Variants in MYCBPAP observed in about 807,000 individuals in gnomAD.
The protein encoded by MYCBPAP is MYCBP-associated protein.
A neutral mutation model predicts 106.1 loss-of-function variants in MYCBPAP; 60 were observed. The ratio of observed to expected loss-of-function variants is 0.57; its 90% confidence interval spans 0.46 to 0.70. MYCBPAP has a LOEUF of 0.70. Ranked by LOEUF, MYCBPAP falls within the 30% of genes least tolerant of loss-of-function variation. The probability of loss-of-function intolerance (pLI) is 0.00; values close to 1 mark genes in which losing one functional copy is unlikely to be tolerated. For synonymous variants in MYCBPAP, 407 were observed against 440.6 expected (o/e 0.92, Z 0.95); for missense variants, 1,064 against 1,169.3 (o/e 0.91, Z 1.31).
rs2033695220 is a variant in MYCBPAP, at chr17:50,508,495, C to T, written c.-180C>T. ...CCGCCGGCGGCGGGCGCGTGCGCGG[C>T]CCGATGAAGAAGGAGGTTTCCAAGC... On this transcript the variant is annotated 5_prime_UTR_variant, in exon 1 of 19. Transcript: ENST00000323776. 1 of 1,503,110 alleles carries T rather than the reference C, an allele frequency of 6.7e-7. No individual in the cohort carries two copies. Among genetic ancestry groups the T allele is most frequent in the African/African-American group, 1.4e-5 (1 of 69,898 alleles). 93.1% of individuals were successfully genotyped at this position (1,503,110 alleles called of 1,614,324 possible). A position where few individuals can be genotyped will look rare whatever the true frequency, so the allele number is the denominator to read the frequency against.
intron 9 of MYCBPAP, among the ~76,000 whole-genome samples, 182 bp downstream of exon 9, chr17:50,521,613 C>A (rs2034264845): frequency 6.6e-6 from 1 of 152,198 alleles, no homozygotes; most frequent in Non-Finnish European, 1.5e-5. Flanking sequence ...GCCATCTGCT[C>A]CTTTCCAATA....
rs1238925806 is a variant in MYCBPAP, at chr17:50,521,234, G to C, written c.1032+9G>C. On this transcript the variant is annotated intron_variant, in intron 8 of 18. Transcript: ENST00000323776. ...TGGATTTCAGCCAGCAGGTTGGTAT[G>C]GCCTCCATGCCCCAGTCAGAAGCCC... The C allele has an allele frequency of 6.2e-7, 1 of 1,607,890 alleles. No individual in the cohort carries two copies. The highest frequency in any genetic ancestry group is 1.1e-5 in the South Asian group (1 of 89,676).
At position 50,525,659 on chromosome 17, in the gene MYCBPAP, C is replaced by CTCTTTTTTTTTTTTTTTTTTTTTT. The variant is rs57947501; in HGVS notation, c.1783-221_1783-220insCTTTTTTTTTTTTTTTTTTTTTTT. ...ACATCACCATGCTCAGCTAATTTCT[C>CTCTTTTTTTTTTTTTTTTTTTTTT]TTTTTTTTTTTGGTAGAGATAGGAT... On this transcript the variant is annotated intron_variant, in intron 13 of 18. Coordinates refer to ENST00000323776, the MANE Select transcript of MYCBPAP (RefSeq NM_032133.6). 1.5e-5 allele frequency among the ~76,000 whole-genome samples: 2 copies of CTCTTTTTTTTTTTTTTTTTTTTTT among 131,364 alleles called. 1 individual carries two copies. 86.2% of individuals were successfully genotyped at this position (131,364 alleles called of 152,430 possible). A position where few individuals can be genotyped will look rare whatever the true frequency, so the allele number is the denominator to read the frequency against.
At position 50,522,722 on chromosome 17, in the gene MYCBPAP, ATATT is replaced by A. The variant is rs369118929; in HGVS notation, c.1258-215_1258-212del. On this transcript the variant is annotated intron_variant, in intron 10 of 18. Transcript: ENST00000323776. ...AAAAAAAAAAAAAATATATATATAT[ATATT>A]TGTTTTATCTTCTCTTCTTGCTATT... The A allele has an allele frequency of 5.9e-3, 736 of 125,542 alleles. 88 individuals carry two copies. The highest frequency in any genetic ancestry group is 0.019 in the Middle Eastern group (5 of 270). The allele number at this position is 125,542 out of a possible 1,614,324, so 7.8% of individuals were successfully genotyped here.
rs781672054 is a variant in MYCBPAP at position 50,528,725 on chromosome 17, A to G, written c.2438A>G (p.Lys813Arg). The change falls in exon 17 of 19, where the codon AAG (lysine) becomes AGG (arginine). Residue 813 changes from lysine (K) to arginine (R), a missense_variant. Lys to Arg is a conservative substitution (Grantham distance 26, BLOSUM62 2). Coordinates refer to ENST00000323776, the MANE Select transcript of MYCBPAP (RefSeq NM_032133.6). ...AAATCACCTCCTATCATGGAAGTGAAGGTACCTGTGGGGAAAGCTGGGAAG... is the reference window on the plus strand; with the variant it reads ...AAATCACCTCCTATCATGGAAGTGAGGGTACCTGTGGGGAAAGCTGGGAAG... ...DQKSPPIMEV[K>R]VPVGKAGKEE... 1 of 1,613,774 alleles carries G rather than the reference A, an allele frequency of 6.2e-7. No homozygotes were observed. Among genetic ancestry groups the G allele is most frequent in the East Asian group, 2.2e-5 (1 of 44,840 alleles).
In MYCBPAP at chr17:50,528,137, CTG is replaced by C. The variant is rs141549451; in HGVS notation, c.2292-14_2292-13del. 2.0e-5 allele frequency: 32 copies of C among 1,607,432 alleles called. No homozygotes were observed. The East Asian group carries it at 3.6e-4, about 18-fold the overall frequency. On this transcript the variant is annotated splice_polypyrimidine_tract_variant and intron_variant, in intron 15 of 18. Transcript: ENST00000323776. The stretch of plus-strand genomic sequence containing the variant: ...AATGAGGAGTGATGGCATTTCTCCA[CTG>C]TGTCTTGCCCTCTAGTTTGCAGCTG...
intron 18 of MYCBPAP, 102 bp from the exon 19 acceptor site, chr17:50,531,225 C>A: frequency 1.5e-6 from 1 of 683,454 alleles, no homozygotes; most frequent in South Asian, 2.7e-5. Flanking sequence ...TCACAAACAA[C>A]TGGTTTCTTT....
intron 1 of MYCBPAP, chr17:50,514,721 C>A: frequency 4.5e-6 from 1 of 220,520 alleles, no homozygotes; most frequent in Non-Finnish European, 9.3e-6. Flanking sequence ...TGCAGTGGCA[C>A]AATCTTGGCT....
At chr17:50,515,224 G>A (rs967205307) in intron 1 of MYCBPAP, among the ~76,000 whole-genome samples, 4 of 139,916 alleles carry the variant, frequency 2.9e-5, no homozygotes, top group South Asian at 2.3e-4. Flanking sequence ...CACCTCCCAC[G>A]CCCGCCGACT....
At chr17:50,520,051 G>C in intron 7 of MYCBPAP, 1 of 385,490 alleles carries the variant, frequency 2.6e-6, no homozygotes, top group Non-Finnish European at 4.7e-6. Context: ...ACATGCCGCT[G>C]GTGAGCGCCT....
In MYCBPAP at chr17:50,508,569, C is replaced by G. The variant is rs772783328; in HGVS notation, c.-106C>G. 5.2e-6 allele frequency: 8 copies of G among 1,548,642 alleles called. No homozygotes were observed. The South Asian group carries it at 8.2e-5, about 16-fold the overall frequency. On this transcript the variant is annotated 5_prime_UTR_variant, in exon 1 of 19. Coordinates refer to ENST00000323776, the MANE Select transcript of MYCBPAP (RefSeq NM_032133.6). ...GGATGCGCGCCCCCGCGCGGGGCACCGGTTGCTGTGGACGCAGTGGCGGCC... is the reference window on the plus strand; with the variant it reads ...GGATGCGCGCCCCCGCGCGGGGCACGGGTTGCTGTGGACGCAGTGGCGGCC...
Position 50,508,476 on chromosome 17 carries a change from G to A in MYCBPAP, c.-199G>A, listed in dbSNP as rs2033694304. Reference sequence around the variant, plus strand: ...GGGTCCGTCGCTCTTGAAGCCGCCGGCGGCGGGCGCGTGCGCGGCCCGATG... The same window carrying A: ...GGGTCCGTCGCTCTTGAAGCCGCCGACGGCGGGCGCGTGCGCGGCCCGATG... On this transcript the variant is annotated 5_prime_UTR_variant, in exon 1 of 19. Transcript: ENST00000323776. 1.4e-6 allele frequency: 2 copies of A among 1,445,488 alleles called. No individual in the cohort carries two copies. The highest frequency in any genetic ancestry group is 5.2e-5 in the East Asian group (2 of 38,378). The allele number at this position is 1,445,488 out of a possible 1,614,324, so 89.5% of individuals were successfully genotyped here.
chr17:50,522,865 G>C, intron 10 of MYCBPAP, 74 bp from the exon 11 acceptor site: 1 of 1,484,330 alleles, frequency 6.7e-7, no homozygotes. Flanking sequence ...GAAAAGTCCT[G>C]GGCAGACCAG....
chr17:50,526,799 T>C (rs963008293), intron 14 of MYCBPAP, among the ~76,000 whole-genome samples: 4 of 152,218 alleles, frequency 2.6e-5, no homozygotes, highest in African/African-American at 9.7e-5. Flanking sequence ...GCCAGGCTGG[T>C]CTCAAACTCC....
Position 50,508,591 on chromosome 17 carries a change from G to A in MYCBPAP, c.-84G>A. On this transcript the variant is annotated 5_prime_UTR_variant, in exon 1 of 19. Transcript: ENST00000323776. The stretch of plus-strand genomic sequence containing the variant: ...CACCGGTTGCTGTGGACGCAGTGGC[G>A]GCCGTTGGCTGGCGGGTGCGGCGCA... The A allele has an allele frequency of 6.4e-7, 1 of 1,556,074 alleles. No individual in the cohort carries two copies. The highest frequency in any genetic ancestry group is 8.7e-7 in the Non-Finnish European group (1 of 1,149,156).
intron 2 of MYCBPAP, 34 bp downstream of exon 2, chr17:50,516,731 A>G: frequency 1.2e-6 from 2 of 1,612,262 alleles, no homozygotes; most frequent in Non-Finnish European, 1.7e-6. Flanking sequence ...CTTACCATAG[A>G]AACGTTTCCC....
intron 13 of MYCBPAP, among the ~76,000 whole-genome samples, chr17:50,525,492 A>AT (rs942995768): frequency 6.6e-5 from 10 of 151,888 alleles, no homozygotes; most frequent in Non-Finnish European, 1.0e-4. Context: ...ATTTTTGTTT[A>AT]TTTTTTTAAG....
rs1159967204 is a variant in MYCBPAP, at chr17:50,526,162, G to C, written c.2064G>C (p.Glu688Asp). ...KSPQRKSIME[E>D]ILVEESPDVD... The stretch of plus-strand genomic sequence containing the variant: ...CTCAGCGGAAGAGCATCATGGAGGA[G>C]ATCCTGGTGGAGGAAAGCCCAGATG... The change falls in exon 14 of 19, where the codon GAG becomes GAC. Residue 688 changes from glutamate to aspartate, a missense_variant. Coordinates refer to ENST00000323776, the MANE Select transcript of MYCBPAP (RefSeq NM_032133.6). 1 of 1,613,720 alleles carries C rather than the reference G, an allele frequency of 6.2e-7. No individual in the cohort carries two copies. Among genetic ancestry groups the C allele is most frequent in the South Asian group, 1.1e-5 (1 of 91,080 alleles).
rs545510425 is a variant in MYCBPAP, at chr17:50,518,723, C to T, written c.651C>T (p.Ser217=). The T allele has an allele frequency of 3.1e-5, 49 of 1,577,020 alleles. 1 individual carries two copies. The highest frequency in any genetic ancestry group is 3.6e-4 in the Middle Eastern group (2 of 5,488). The change falls in exon 5 of 19, where the codon AGC becomes AGT. Residue 217 remains serine (S), a splice_region_variant and synonymous_variant. Coordinates refer to ENST00000323776, the MANE Select transcript of MYCBPAP (RefSeq NM_032133.6). ...GGAAGAAGCAGCAGGAAGCCCTCAG[C>T]GGTGAGCAGAGCAGACAGGGCTCCC... ...ALRKKQQEAL[S]EHLKKPVSEL...
Sources: allele counts gnomAD v4.1 joint callset (sites outside exome capture counted in the v4.1 genomes callset), GRCh38; gene constraint gnomAD v4.1.1; transcripts MANE v1.5; gene names NCBI Gene and HGNC (gene_info 2026-07-23, HGNC 2026-07-21).